THEMIS: variants seen among roughly 807,000 people sequenced by gnomAD.
THEMIS encodes the protein thymocyte selection associated, also known as protein THEMIS.
THEMIS carries 37 observed loss-of-function variants against 52.6 expected under a neutral mutation model. The observed-to-expected ratio is 0.70, with a 90% CI of 0.54 to 0.93. The LOEUF (loss-of-function observed/expected upper bound fraction) is 0.93, where lower values mean the gene tolerates loss of function less well. THEMIS is among the 40% of genes least tolerant of loss of function. THEMIS has a pLI of 0.00. For missense variants in THEMIS, 808 were observed against 763.1 expected, an observed-to-expected ratio of 1.06 and a Z score of -0.69; for synonymous variants, 292 against 272.7, an observed-to-expected ratio of 1.07 and a Z score of -0.70.
intron 2 of THEMIS, among the ~76,000 whole-genome samples, chr6:127,848,932 A>G (rs1779319997): frequency 6.6e-6 from 1 of 152,118 alleles, no homozygotes; most frequent in African/African-American, 2.4e-5. Context: ...TAGTTTAATT[A>G]GATCCCATTT....
chr6:127,710,274 G>A (rs557234616), intron 5 of THEMIS, among the ~76,000 whole-genome samples: 21 of 151,900 alleles, frequency 1.4e-4, no homozygotes, highest in East Asian at 3.9e-4. Flanking sequence ...GTGTTTTTCC[G>A]TGGACAAAAT....
At chr6:127,784,830 A>T (rs937212601) in intron 4 of THEMIS, among the ~76,000 whole-genome samples, 1 of 152,102 alleles carries the variant, frequency 6.6e-6, no homozygotes, top group Non-Finnish European at 1.5e-5. Flanking sequence ...CTTTTTAAAA[A>T]AACTTAGGCC....
intron 4 of THEMIS, among the ~76,000 whole-genome samples, chr6:127,747,302 G>T (rs1283030639): frequency 1.6e-5 from 2 of 128,864 alleles, no homozygotes; most frequent in Admixed American, 8.0e-5. Flanking sequence ...ATCTGTTAAT[G>T]GTATATAATT....
At chr6:127,738,915 C>T (rs1336176532) in intron 4 of THEMIS, among the ~76,000 whole-genome samples, 1 of 152,108 alleles carries the variant, frequency 6.6e-6, no homozygotes, top group Non-Finnish European at 1.5e-5. Flanking sequence ...ATATTAGTTT[C>T]CTAGGGCTGT....
intron 1 of THEMIS, among the ~76,000 whole-genome samples, chr6:127,861,382 G>A (rs1229286596): frequency 1.3e-5 from 2 of 152,004 alleles, no homozygotes; most frequent in Non-Finnish European, 2.9e-5. Context: ...CAGTGTGTTC[G>A]CACAATACAT....
At chr6:127,901,411 G>C (rs1781131247), upstream of THEMIS, among the ~76,000 whole-genome samples, 3 of 152,010 alleles carry the variant, frequency 2.0e-5, no homozygotes, top group Admixed American at 1.3e-4. Context: ...CATTTCTAAA[G>C]CTTGGCTTTG....
chr6:127,828,520 C>G (rs1259708474), intron 3 of THEMIS, among the ~76,000 whole-genome samples: 1 of 152,126 alleles, frequency 6.6e-6, no homozygotes, highest in Non-Finnish European at 1.5e-5. Flanking sequence ...ATCTAGGACT[C>G]CAAGTTCAGA....
intron 2 of THEMIS, among the ~76,000 whole-genome samples, chr6:127,837,859 CA>C (rs1778923162): frequency 6.6e-6 from 1 of 152,140 alleles, no homozygotes; most frequent in East Asian, 1.9e-4. Flanking sequence ...TCATGCTTTA[CA>C]ATATTTTTCA....
Position 127,709,983 on chromosome 6 carries a change from T to C in THEMIS, c.*2A>G. On this transcript the variant is annotated 3_prime_UTR_variant, in exon 6 of 6. Transcript: ENST00000368248. The stretch of plus-strand genomic sequence containing the variant: ...TGCCTAAGTGGCTTCTGTCACATCT[T>C]GTTATTTTTGATGTTTTTCATTTTT... 1 of 1,589,800 alleles carries C rather than the reference T, an allele frequency of 6.3e-7. No homozygotes were observed. The highest frequency in any genetic ancestry group is 8.6e-7 in the Non-Finnish European group (1 of 1,169,476).
chr6:127,868,549 T>A, intron 1 of THEMIS: 1 of 853,336 alleles, frequency 1.2e-6, no homozygotes, highest in Non-Finnish European at 1.4e-6. Flanking sequence ...TCTCATTGCT[T>A]AAAGTGACCA....
At chr6:127,740,987 A>G (rs1237667330) in intron 4 of THEMIS, among the ~76,000 whole-genome samples, 2 of 152,180 alleles carry the variant, frequency 1.3e-5, no homozygotes, top group Non-Finnish European at 2.9e-5. Flanking sequence ...ACATTTGCAC[A>G]TTTACTTCCC....
At chr6:127,746,929 CTATAATTATATTATA>C (rs1208713929) in intron 4 of THEMIS, among the ~76,000 whole-genome samples, 1 of 33,072 alleles carries the variant, frequency 3.0e-5, no homozygotes, top group African/African-American at 1.4e-4. Flanking sequence ...ATATAGATAT[CTATAATTATATTATA>C]TATAATTATA....
chr6:127,891,851 T>G (rs1562324963), intron 1 of THEMIS, among the ~76,000 whole-genome samples: 1 of 152,164 alleles, frequency 6.6e-6, no homozygotes, highest in Non-Finnish European at 1.5e-5. Flanking sequence ...CCTCTTCTCA[T>G]ATGTTCTTCT....
intron 5 of THEMIS, among the ~76,000 whole-genome samples, chr6:127,718,120 A>G (rs1274607125): frequency 1.3e-5 from 2 of 151,918 alleles, no homozygotes; most frequent in African/African-American, 4.8e-5. Flanking sequence ...TTTTTGCTCT[A>G]CTTTTGTATT....
chr6:127,838,073 C>T (rs1387193204), intron 2 of THEMIS, among the ~76,000 whole-genome samples: 1 of 152,058 alleles, frequency 6.6e-6, no homozygotes, highest in Non-Finnish European at 1.5e-5. Context: ...TTTCTCAGCA[C>T]AGTACTGGTT....
chr6:127,903,188 C>G (rs1383209994), upstream of THEMIS, among the ~76,000 whole-genome samples: 3 of 152,056 alleles, frequency 2.0e-5, no homozygotes, highest in Admixed American at 1.3e-4. Context: ...GTACCACTCA[C>G]TCTGTCTTTG....
At chr6:127,876,815 T>A (rs1780327395) in intron 1 of THEMIS, among the ~76,000 whole-genome samples, 1 of 152,212 alleles carries the variant, frequency 6.6e-6, no homozygotes, top group Non-Finnish European at 1.5e-5. Context: ...TGGACATACG[T>A]GGAAATAAAT....
chr6:127,835,158 C>G (rs934465919), intron 2 of THEMIS, among the ~76,000 whole-genome samples: 2 of 152,136 alleles, frequency 1.3e-5, no homozygotes, highest in African/African-American at 4.8e-5. Context: ...CACCCCCAAA[C>G]CTCTCACAAA....
chr6:127,785,117 A>G (rs937158576), intron 4 of THEMIS, among the ~76,000 whole-genome samples: 1 of 151,250 alleles, frequency 6.6e-6, no homozygotes, highest in Admixed American at 6.6e-5. Context: ...TACCTACCTA[A>G]TCTATTATCT....
Sources: allele counts gnomAD v4.1 joint callset (sites outside exome capture counted in the v4.1 genomes callset), GRCh38; gene constraint gnomAD v4.1.1; transcripts MANE v1.5; gene names NCBI Gene and HGNC (gene_info 2026-07-23, HGNC 2026-07-21).